Variants in NPEPPS observed in about 807,000 individuals in gnomAD.
NPEPPS encodes aminopeptidase puromycin sensitive.
Under a neutral mutation model 115.5 loss-of-function variants are expected in NPEPPS, and 14 were observed. The ratio of observed to expected loss-of-function variants is 0.12; its 90% confidence interval spans 0.08 to 0.19. NPEPPS has a LOEUF of 0.19. Among genes scored for constraint, NPEPPS ranks in the 10% least tolerant of loss-of-function variants. The pLI is 1.00. For synonymous variants in NPEPPS, 285 were observed against 390.6 expected (o/e 0.73, Z 3.19); for missense variants, 523 against 1,110.8 (o/e 0.47, Z 7.52).
chr17:47,525,574 C>A (rs367766794), intron 1 of NPEPPS, among the ~76,000 whole-genome samples: 1 of 152,268 alleles, frequency 6.6e-6, no homozygotes. Flanking sequence ...AACTCCCAAC[C>A]TCAGGTGAGC....
chr17:47,591,577 T>C (rs1199410254), intron 10 of NPEPPS, among the ~76,000 whole-genome samples: 1 of 152,184 alleles, frequency 6.6e-6, no homozygotes, highest in Admixed American at 6.5e-5. Context: ...ATAATGCTAC[T>C]TCAACATATT....
At chr17:47,598,456 A>G (rs1445874469) in intron 13 of NPEPPS, among the ~76,000 whole-genome samples, 1 of 152,178 alleles carries the variant, frequency 6.6e-6, no homozygotes, top group Non-Finnish European at 1.5e-5. Flanking sequence ...ATCCTGGGCA[A>G]CAGAGCAAGA....
chr17:47,599,773 T>A (rs1377076470), intron 14 of NPEPPS, 34 bp downstream of exon 14: 1 of 1,496,054 alleles, frequency 6.7e-7, no homozygotes, highest in Admixed American at 2.0e-5. Context: ...ATATGATTGA[T>A]GAATTTGGAT....
At chr17:47,568,514 GGA>G (rs1910980048) in intron 2 of NPEPPS, among the ~76,000 whole-genome samples, 1 of 152,096 alleles carries the variant, frequency 6.6e-6, no homozygotes, top group African/African-American at 2.4e-5. Flanking sequence ...GGACATAGTT[GGA>G]AGTTGGTCTC....
At chr17:47,529,490 C>T (rs1289393174), upstream of NPEPPS, among the ~76,000 whole-genome samples, 1 of 150,004 alleles carries the variant, frequency 6.7e-6, no homozygotes, top group African/African-American at 2.5e-5. Context: ...CTGCAACCTC[C>T]GCCTCCCGGG....
chr17:47,543,406 T>C (rs1450109324), intron 1 of NPEPPS, among the ~76,000 whole-genome samples: 2 of 151,262 alleles, frequency 1.3e-5, no homozygotes, highest in Non-Finnish European at 2.9e-5. Context: ...CAACCTCCAC[T>C]GCCTGGGTTC....
At chr17:47,608,656 G>A (rs1913662240) in intron 17 of NPEPPS, among the ~76,000 whole-genome samples, 1 of 152,160 alleles carries the variant, frequency 6.6e-6, no homozygotes, top group Admixed American at 6.6e-5. Flanking sequence ...CTGAGTGTAA[G>A]TAGAAGAAAG....
chr17:47,562,905 C>T (rs1422344320), intron 2 of NPEPPS, among the ~76,000 whole-genome samples: 2 of 151,634 alleles, frequency 1.3e-5, no homozygotes, highest in African/African-American at 2.4e-5. Context: ...TTTTTTAAAA[C>T]GTGGTCTTTA....
intron 2 of NPEPPS, among the ~76,000 whole-genome samples, chr17:47,563,524 T>C (rs1910584711): frequency 6.6e-6 from 1 of 152,168 alleles, no homozygotes; most frequent in African/African-American, 2.4e-5. Flanking sequence ...ATGGACCAAT[T>C]GCAGTTGGAT....
chr17:47,540,117 A>T (rs920386496), intron 1 of NPEPPS, among the ~76,000 whole-genome samples: 7 of 152,108 alleles, frequency 4.6e-5, no homozygotes, highest in Non-Finnish European at 1.0e-4. Flanking sequence ...TTCCATTGTA[A>T]AGTTGTTACC....
intron 10 of NPEPPS, among the ~76,000 whole-genome samples, 157 bp downstream of exon 10, chr17:47,591,038 A>G (rs1324251657): frequency 6.6e-6 from 1 of 152,216 alleles, no homozygotes; most frequent in African/African-American, 2.4e-5. Context: ...TAGTAAGTCT[A>G]AGTTCTAATT....
Position 47,601,604 on chromosome 17 carries a change from T to A in NPEPPS, c.1601-4T>A. 6.2e-7 allele frequency: 1 copy of A among 1,613,274 alleles called. No individual in the cohort carries two copies. Among genetic ancestry groups the A allele is most frequent in the Middle Eastern group, 1.7e-4 (1 of 6,058 alleles). ...CAAAATTTGTTTGTTCTTCTCTGGC[T>A]TAGGTGAAGATTGTCCCCAGTGGAT... On this transcript the variant is annotated splice_polypyrimidine_tract_variant and splice_region_variant and intron_variant, in intron 14 of 22. Coordinates refer to ENST00000322157, the MANE Select transcript of NPEPPS (RefSeq NM_006310.4).
intron 3 of NPEPPS, among the ~76,000 whole-genome samples, chr17:47,577,478 T>G (rs954522260): frequency 1.6e-4 from 24 of 152,176 alleles, no homozygotes; most frequent in Non-Finnish European, 2.6e-4. Context: ...AATTTTTAAT[T>G]TAAATTTTGC....
intron 19 of NPEPPS, among the ~76,000 whole-genome samples, chr17:47,614,954 T>C (rs1358720360): frequency 3.9e-5 from 6 of 152,184 alleles, no homozygotes; most frequent in Non-Finnish European, 1.5e-5. Flanking sequence ...TAAATTCTGA[T>C]ATTTTGGTTT....
chr17:47,569,187 G>T (rs112883814), intron 2 of NPEPPS, among the ~76,000 whole-genome samples: 1 of 151,988 alleles, frequency 6.6e-6, no homozygotes, highest in East Asian at 1.9e-4. Context: ...CATCACTGAC[G>T]TTTTGTGAAT....
At chr17:47,596,190 G>A (rs868869069) in intron 12 of NPEPPS, 163 bp from the exon 13 acceptor site, 1 of 513,198 alleles carries the variant, frequency 1.9e-6, no homozygotes, top group South Asian at 2.7e-5. Flanking sequence ...TTACTTAGTT[G>A]CAGAAGAGGG....
At chr17:47,538,835 AT>A (rs1908539037) in intron 1 of NPEPPS, among the ~76,000 whole-genome samples, 2 of 152,082 alleles carry the variant, frequency 1.3e-5, no homozygotes, top group African/African-American at 4.8e-5. Flanking sequence ...GCCAGCCTGT[AT>A]CTGTTCTTTA....
At chr17:47,587,526 G>A (rs1419797301) in intron 9 of NPEPPS, among the ~76,000 whole-genome samples, 182 bp downstream of exon 9, 4 of 151,842 alleles carry the variant, frequency 2.6e-5, no homozygotes, top group African/African-American at 4.8e-5. Flanking sequence ...TTGAACAAGG[G>A]CATATGGACA....
intron 4 of NPEPPS, chr17:47,582,449 A>G (rs1215055558): frequency 2.8e-6 from 1 of 361,828 alleles, no homozygotes; most frequent in Non-Finnish European, 5.4e-6. Flanking sequence ...ATTTGAAGGC[A>G]TTTGCATTAA....
Sources: gnomAD v4.1 joint callset for allele counts (sites outside exome capture counted in the v4.1 genomes callset) on GRCh38, gnomAD v4.1.1 for gene constraint, MANE v1.5 for transcripts, NCBI Gene and HGNC (gene_info 2026-07-23, HGNC 2026-07-21) for gene names.